Variants in GRAMD1C observed in about 807,000 individuals in gnomAD.
The protein encoded by GRAMD1C is GRAM domain containing 1C.
Under a neutral mutation model 97.8 loss-of-function variants are expected in GRAMD1C, and 89 were observed. The observed-to-expected ratio is 0.91, with a 90% CI of 0.77 to 1.09. The LOEUF is 1.09. Ranked by LOEUF, GRAMD1C falls within the 50% of genes least tolerant of loss-of-function variation. The probability of loss-of-function intolerance (pLI) is 0.00; values close to 1 mark genes in which losing one functional copy is unlikely to be tolerated. For synonymous variants in GRAMD1C, 256 were observed against 267.0 expected (o/e 0.96, Z 0.40); for missense variants, 740 against 766.4 (o/e 0.97, Z 0.41).
intron 4 of GRAMD1C, 159 bp downstream of exon 4, chr3:113,875,746 G>A (rs373259435): frequency 1.0e-5 from 5 of 481,650 alleles, no homozygotes; most frequent in African/African-American, 3.9e-5. Flanking sequence ...GTATATATAA[G>A]TGTATAATAT....
chr3:113,926,180 G>A (rs1219119284), intron 10 of GRAMD1C, among the ~76,000 whole-genome samples: 2 of 152,166 alleles, frequency 1.3e-5, no homozygotes, highest in Non-Finnish European at 2.9e-5. Context: ...CTGTCTTTCA[G>A]GGATGCCAGT....
At chr3:113,865,640 T>TA (rs1350483644) in intron 2 of GRAMD1C, among the ~76,000 whole-genome samples, 1 of 151,818 alleles carries the variant, frequency 6.6e-6, no homozygotes, top group Non-Finnish European at 1.5e-5. Context: ...TGTTAAATTT[T>TA]AAAAAAAATT....
chr3:113,834,127 T>G (rs1278183454), upstream of GRAMD1C, among the ~76,000 whole-genome samples: 1 of 152,192 alleles, frequency 6.6e-6, no homozygotes, highest in Non-Finnish European at 1.5e-5. Context: ...GTATATGCAT[T>G]TTGTAATTTT....
intron 10 of GRAMD1C, among the ~76,000 whole-genome samples, chr3:113,921,214 A>G (rs1283045661): frequency 6.6e-6 from 1 of 152,178 alleles, no homozygotes; most frequent in Non-Finnish European, 1.5e-5. Flanking sequence ...CTCCAGCTCC[A>G]TACATGTTGC....
chr3:113,845,453 A>T (rs562762657), intron 2 of GRAMD1C, among the ~76,000 whole-genome samples: 2 of 152,112 alleles, frequency 1.3e-5, no homozygotes, highest in South Asian at 4.1e-4. Context: ...GCGTTTTGGG[A>T]GGCTGAGGTG....
chr3:113,885,212 C>A, intron 6 of GRAMD1C: 1 of 792,914 alleles, frequency 1.3e-6, no homozygotes, highest in Non-Finnish European at 2.1e-6. Context: ...CCCCGTTCCC[C>A]CTCCCTTCGG....
At chr3:113,883,869 G>A (rs748647587) in intron 6 of GRAMD1C, among the ~76,000 whole-genome samples, 2 of 152,146 alleles carry the variant, frequency 1.3e-5, no homozygotes, top group African/African-American at 4.8e-5. Context: ...TTGGGACTGC[G>A]TGTGGTGGCT....
intron 3 of GRAMD1C, among the ~76,000 whole-genome samples, chr3:113,871,834 A>C (rs1356825311): frequency 2.0e-5 from 3 of 150,062 alleles, no homozygotes; most frequent in Non-Finnish European, 4.4e-5. Flanking sequence ...CCAGCTACTT[A>C]GGAGGCTGAG....
At chr3:113,897,438 T>C (rs1055994847) in intron 6 of GRAMD1C, 48 of 571,178 alleles carry the variant, frequency 8.4e-5, no homozygotes, top group Admixed American at 5.7e-4. Context: ...CCTGTTTACC[T>C]ATCTTCTTCT....
At chr3:113,876,392 G>T (rs1935035022) in intron 5 of GRAMD1C, 132 bp downstream of exon 5, 1 of 575,150 alleles carries the variant, frequency 1.7e-6, no homozygotes. Context: ...TTTAATACTA[G>T]AATTCTGTAT....
intron 9 of GRAMD1C, among the ~76,000 whole-genome samples, chr3:113,910,323 CA>C (rs1307302817): frequency 2.0e-5 from 3 of 152,166 alleles, no homozygotes; most frequent in Admixed American, 1.3e-4. Context: ...GCGGAGGTTG[CA>C]GTGAGCCTAG....
At chr3:113,861,399 A>G (rs1201656171) in intron 2 of GRAMD1C, among the ~76,000 whole-genome samples, 2 of 152,222 alleles carry the variant, frequency 1.3e-5, no homozygotes, top group East Asian at 3.9e-4. Context: ...CCACCTACTT[A>G]GGAGGCTGAG....
chr3:113,906,214 C>T lies in GRAMD1C; in HGVS notation c.789+1942C>T, dbSNP rs1005499446. On this transcript the variant is annotated intron_variant, in intron 8 of 17. Transcript: ENST00000358160. ...ATTATTTTAGAGTACACTCTTTCTA[C>T]TTCTATATACAAAAAAAGTTAACTT... 5.9e-5 allele frequency among the ~76,000 whole-genome samples: 9 copies of T among 152,222 alleles called. No individual in the cohort carries two copies. The East Asian group carries it at 1.7e-3, about 29-fold the overall frequency.
At chr3:113,921,923 C>T (rs988503735) in intron 10 of GRAMD1C, among the ~76,000 whole-genome samples, 7 of 152,082 alleles carry the variant, frequency 4.6e-5, no homozygotes, top group African/African-American at 1.7e-4. Flanking sequence ...TCTGTTTACT[C>T]TGTTGATAGT....
intron 10 of GRAMD1C, among the ~76,000 whole-genome samples, chr3:113,924,579 T>C (rs373071742): frequency 7.0e-4 from 106 of 152,332 alleles, no homozygotes; most frequent in Admixed American, 1.5e-3. Context: ...GTATGATTTT[T>C]AGTGATCTTC....
chr3:113,866,385 G>T (rs943498524), intron 2 of GRAMD1C, among the ~76,000 whole-genome samples: 1 of 152,046 alleles, frequency 6.6e-6, no homozygotes, highest in Non-Finnish European at 1.5e-5. Flanking sequence ...TGTTTGCATG[G>T]TATATCTTTT....
At chr3:113,898,074 A>G (rs547585698) in intron 6 of GRAMD1C, among the ~76,000 whole-genome samples, 2 of 152,286 alleles carry the variant, frequency 1.3e-5, no homozygotes, top group East Asian at 3.8e-4. Flanking sequence ...AACCTGTTAT[A>G]TATATTAAAT....
At chr3:113,854,222 C>T (rs540283569) in intron 2 of GRAMD1C, among the ~76,000 whole-genome samples, 3 of 152,008 alleles carry the variant, frequency 2.0e-5, no homozygotes, top group African/African-American at 7.2e-5. Context: ...AATATACTAC[C>T]GAATCTTCGG....
chr3:113,888,054 T>C (rs887812395), intron 6 of GRAMD1C, among the ~76,000 whole-genome samples: 1 of 151,784 alleles, frequency 6.6e-6, no homozygotes, highest in African/African-American at 2.4e-5. Context: ...GTGAACCAAC[T>C]GTTTACAGTA....
Sources: allele counts gnomAD v4.1 joint callset (sites outside exome capture counted in the v4.1 genomes callset), GRCh38; gene constraint gnomAD v4.1.1; transcripts MANE v1.5; gene names NCBI Gene and HGNC (gene_info 2026-07-23, HGNC 2026-07-21).